The following EXOC4 variants were observed in gnomAD, a reference collection of about 807,000 sequenced individuals.
The protein encoded by EXOC4 is exocyst complex component 4.
EXOC4 carries 71 observed loss-of-function variants against 107.2 expected under a neutral mutation model. The ratio of observed to expected loss-of-function variants is 0.66; its 90% confidence interval spans 0.55 to 0.81. EXOC4 has a LOEUF of 0.81. Among genes scored for constraint, EXOC4 ranks in the 30% least tolerant of loss-of-function variants. The pLI is 0.00. For missense variants in EXOC4, 1,108 were observed against 1,189.6 expected, an observed-to-expected ratio of 0.93 and a Z score of 1.01; for synonymous variants, 456 against 441.2, an observed-to-expected ratio of 1.03 and a Z score of -0.42.
In EXOC4 at chr7:133,393,033, T is replaced by G. The variant is rs554134317; in HGVS notation, c.1182+18031T>G. On this transcript the variant is annotated intron_variant, in intron 7 of 17. Coordinates refer to ENST00000253861, the MANE Select transcript of EXOC4 (RefSeq NM_021807.4). ...TTTCTTTCTGTCCTCTAAATATGAC[T>G]CTGTCCTTTCCTACAGTAGTAGTTT... 7.2e-5 allele frequency among the ~76,000 whole-genome samples: 11 copies of G among 152,276 alleles called. No homozygotes were observed. The South Asian group carries it at 2.3e-3, about 32-fold the overall frequency.
chr7:133,481,856 C>T (rs1337478922), intron 9 of EXOC4, among the ~76,000 whole-genome samples: 3 of 152,156 alleles, frequency 2.0e-5, no homozygotes, highest in Non-Finnish European at 4.4e-5. Flanking sequence ...AGGAGGGTGA[C>T]TCATGCTCTA....
chr7:133,727,429 CT>C (rs1448246061), intron 10 of EXOC4: 1 of 154,218 alleles, frequency 6.5e-6, no homozygotes, highest in African/African-American at 2.4e-5. Flanking sequence ...TGGGTCTTGC[CT>C]TTGCACAGCC....
intron 11 of EXOC4, among the ~76,000 whole-genome samples, chr7:133,864,513 T>C (rs1432741986): frequency 3.3e-5 from 5 of 152,070 alleles, no homozygotes; most frequent in African/African-American, 1.2e-4. Flanking sequence ...AAACTTTTCC[T>C]ATATCTGTTA....
chr7:133,677,559 A>G (rs1794091331), intron 10 of EXOC4, among the ~76,000 whole-genome samples: 1 of 152,144 alleles, frequency 6.6e-6, no homozygotes, highest in African/African-American at 2.4e-5. Context: ...TTTTGCTCCG[A>G]TTTTTAATTT....
chr7:133,536,850 ATGGGG>A (rs1800279681), intron 9 of EXOC4, among the ~76,000 whole-genome samples: 1 of 151,996 alleles, frequency 6.6e-6, no homozygotes, highest in African/African-American at 2.4e-5. Flanking sequence ...CAGGAAGTAG[ATGGGG>A]CAGGCAGCAG....
At chr7:133,412,894 G>T (rs1240113636) in intron 7 of EXOC4, among the ~76,000 whole-genome samples, 1 of 151,954 alleles carries the variant, frequency 6.6e-6, no homozygotes, top group Non-Finnish European at 1.5e-5. Context: ...TGGTTTAATG[G>T]CAAACCTCTC....
chr7:134,025,335 C>G (rs1447082319), intron 17 of EXOC4, among the ~76,000 whole-genome samples: 1 of 151,976 alleles, frequency 6.6e-6, no homozygotes, highest in Non-Finnish European at 1.5e-5. Flanking sequence ...AAAGAAAAAG[C>G]AAAATTGACT....
At chr7:133,311,775 G>A (rs903465122) in intron 4 of EXOC4, among the ~76,000 whole-genome samples, 4 of 152,144 alleles carry the variant, frequency 2.6e-5, no homozygotes, top group Non-Finnish European at 4.4e-5. Flanking sequence ...GCAGATATTT[G>A]TAAGCTCAGT....
chr7:133,999,534 A>G (rs767788464), intron 15 of EXOC4, among the ~76,000 whole-genome samples: 1 of 152,230 alleles, frequency 6.6e-6, no homozygotes, highest in Admixed American at 6.5e-5. Flanking sequence ...TTGTTTTACA[A>G]TAATTTTCAT....
chr7:133,526,366 T>C (rs1800078513), intron 9 of EXOC4, among the ~76,000 whole-genome samples: 2 of 152,230 alleles, frequency 1.3e-5, no homozygotes, highest in Admixed American at 6.5e-5. Context: ...ATTTGCGATA[T>C]GGGATTGCTA....
At chr7:133,809,482 A>G (rs1797163609) in intron 10 of EXOC4, among the ~76,000 whole-genome samples, 1 of 152,204 alleles carries the variant, frequency 6.6e-6, no homozygotes, top group South Asian at 2.1e-4. Flanking sequence ...GTCTTTATTA[A>G]TAGGAGAGAT....
chr7:133,563,789 C>T (rs1800855667), intron 9 of EXOC4, among the ~76,000 whole-genome samples: 1 of 152,194 alleles, frequency 6.6e-6, no homozygotes, highest in Non-Finnish European at 1.5e-5. Flanking sequence ...CGTGCTTATA[C>T]TTTTACGTGA....
At chr7:133,475,922 T>G (rs918516720) in intron 8 of EXOC4, among the ~76,000 whole-genome samples, 58 of 152,304 alleles carry the variant, frequency 3.8e-4, no homozygotes, top group African/African-American at 1.4e-3. Flanking sequence ...TCTGGGTTTT[T>G]TTTTATCTAA....
chr7:133,916,808 T>G lies in EXOC4; in HGVS notation c.1872-775T>G, dbSNP rs1316920440. Among the ~76,000 whole-genome samples, 3 of 152,314 alleles carry G rather than the reference T, an allele frequency of 2.0e-5. No homozygotes were observed. In the East Asian group the frequency reaches 5.8e-4, roughly 29 times the overall value. ...TAAATGTCATTTCTGTCACCTAGTA[T>G]TGCTGACGAGGATATTTAGATCGTT... On this transcript the variant is annotated intron_variant, in intron 12 of 17. Coordinates refer to ENST00000253861, the MANE Select transcript of EXOC4 (RefSeq NM_021807.4).
intron 10 of EXOC4, among the ~76,000 whole-genome samples, chr7:133,667,811 A>G (rs1793853211): frequency 6.6e-6 from 1 of 152,206 alleles, no homozygotes; most frequent in Non-Finnish European, 1.5e-5. Flanking sequence ...TCCAACAGTC[A>G]CTCAGTTGTT....
chr7:133,935,953 A>G (rs1177503298), intron 13 of EXOC4, among the ~76,000 whole-genome samples: 3 of 152,340 alleles, frequency 2.0e-5, no homozygotes, highest in South Asian at 2.1e-4. Context: ...TTTTACCTCC[A>G]GATAATAATG....
At chr7:133,295,028 A>G (rs560843361) in intron 3 of EXOC4, among the ~76,000 whole-genome samples, 1 of 152,244 alleles carries the variant, frequency 6.6e-6, no homozygotes, top group Admixed American at 6.5e-5. Flanking sequence ...TACATAAAGT[A>G]TATGCAGTAT....
chr7:133,673,170 G>T (rs924291102), intron 10 of EXOC4, among the ~76,000 whole-genome samples: 1 of 152,108 alleles, frequency 6.6e-6, no homozygotes, highest in Non-Finnish European at 1.5e-5. Flanking sequence ...CCAAACATCT[G>T]CTTAGCTCTG....
intron 9 of EXOC4, among the ~76,000 whole-genome samples, chr7:133,619,407 A>G (rs1291782048): frequency 2.0e-5 from 3 of 152,198 alleles, no homozygotes; most frequent in Admixed American, 6.5e-5. Context: ...TTCTATATGA[A>G]CTAGTACTAA....
Sources: gnomAD v4.1 joint callset for allele counts (sites outside exome capture counted in the v4.1 genomes callset) on GRCh38, gnomAD v4.1.1 for gene constraint, MANE v1.5 for transcripts, NCBI Gene and HGNC (gene_info 2026-07-23, HGNC 2026-07-21) for gene names.